Variants in NOL10 observed in about 807,000 individuals in gnomAD.
NOL10 encodes the protein nucleolar protein 10.
Under a neutral mutation model 103.5 loss-of-function variants are expected in NOL10, and 58 were observed. That is an observed-to-expected ratio of 0.56 (90% CI 0.45 to 0.70). The LOEUF (loss-of-function observed/expected upper bound fraction) is 0.70, where lower values mean the gene tolerates loss of function less well. Ranked by LOEUF, NOL10 falls within the 30% of genes least tolerant of loss-of-function variation. The pLI is 0.00. For missense variants in NOL10, 763 were observed against 807.3 expected, an observed-to-expected ratio of 0.95 and a Z score of 0.67; for synonymous variants, 287 against 282.5, an observed-to-expected ratio of 1.02 and a Z score of -0.16.
At chr2:10,587,463 G>T (rs1675173021) in intron 19 of NOL10, among the ~76,000 whole-genome samples, 1 of 150,276 alleles carries the variant, frequency 6.7e-6, no homozygotes, top group South Asian at 2.1e-4. Context: ...TAGAGACGGG[G>T]TTTCACCATG....
chr2:10,648,916 T>C (rs976048946), intron 12 of NOL10, among the ~76,000 whole-genome samples: 1 of 151,916 alleles, frequency 6.6e-6, no homozygotes. Context: ...CAGCGAAATG[T>C]AACACACAAC....
chr2:10,665,011 TAAAC>T (rs1680484722), intron 8 of NOL10, among the ~76,000 whole-genome samples: 1 of 152,324 alleles, frequency 6.6e-6, no homozygotes, highest in South Asian at 2.1e-4. Context: ...AACAAAAACA[TAAAC>T]AAAGATGTTT....
intron 14 of NOL10, 96 bp from the exon 15 acceptor site, chr2:10,603,253 T>A (rs556032398): frequency 3.5e-6 from 3 of 848,538 alleles, no homozygotes; most frequent in Middle Eastern, 2.2e-4. Flanking sequence ...TAGTAAGATT[T>A]CACTTCAGAC....
At chr2:10,680,827 C>T (rs1453820082) in intron 3 of NOL10, among the ~76,000 whole-genome samples, 2 of 152,146 alleles carry the variant, frequency 1.3e-5, no homozygotes, top group Non-Finnish European at 2.9e-5. Context: ...AAAATCACAA[C>T]CACTAAAGGT....
chr2:10,614,756 C>T (rs1676748262), intron 13 of NOL10, among the ~76,000 whole-genome samples: 1 of 152,150 alleles, frequency 6.6e-6, no homozygotes. Context: ...TGTATATACA[C>T]ACTATACATA....
intron 12 of NOL10, among the ~76,000 whole-genome samples, chr2:10,652,666 C>G (rs186458611): frequency 1.6e-4 from 25 of 152,274 alleles, no homozygotes; most frequent in Admixed American, 1.1e-3. Flanking sequence ...GGCTCCTCCC[C>G]CTCATTCTCC....
intron 12 of NOL10, among the ~76,000 whole-genome samples, chr2:10,649,311 A>ATTTTTT (rs56031158): frequency 0.032 from 3,116 of 98,872 alleles, 274 homozygotes; most frequent in Admixed American, 0.06. Flanking sequence ...GTATGTTTGA[A>ATTTTTT]TTTTTTTTTT....
At chr2:10,686,473 A>G (rs1682214366) in intron 1 of NOL10, among the ~76,000 whole-genome samples, 1 of 152,312 alleles carries the variant, frequency 6.6e-6, no homozygotes, top group Admixed American at 6.5e-5. Flanking sequence ...AAGTCACTCA[A>G]AGGACTCTGC....
At chr2:10,681,578 A>C (rs1681760216) in intron 3 of NOL10, among the ~76,000 whole-genome samples, 1 of 152,220 alleles carries the variant, frequency 6.6e-6, no homozygotes, top group Non-Finnish European at 1.5e-5. Flanking sequence ...GGATCTGTGC[A>C]TTTCACCAAT....
intron 2 of NOL10, among the ~76,000 whole-genome samples, chr2:10,682,399 C>CTT (rs761615937): frequency 4.9e-4 from 68 of 138,502 alleles, no homozygotes; most frequent in African/African-American, 1.4e-3. Flanking sequence ...CATTAAACCA[C>CTT]TTTTTTTTTT....
At chr2:10,613,625 GA>G (rs745315898) in intron 13 of NOL10, among the ~76,000 whole-genome samples, 5 of 152,150 alleles carry the variant, frequency 3.3e-5, no homozygotes, top group Non-Finnish European at 7.3e-5. Context: ...TTAGTTAAAA[GA>G]ATTGTCATTT....
rs1361948973 is a variant in NOL10, at chr2:10,622,845, T to C, written c.1027-15534A>G. Among the ~76,000 whole-genome samples, 4 of 152,296 alleles carry C rather than the reference T, an allele frequency of 2.6e-5. No individual in the cohort carries two copies. The East Asian group carries it at 7.7e-4, about 29-fold the overall frequency. On this transcript the variant is annotated intron_variant, in intron 13 of 20. Transcript: ENST00000381685. ...CCCAGGAAGCAGTTTAACTCATATA[T>C]ATGAAGAGTCAGAATTAAGACAATT...
intron 13 of NOL10, among the ~76,000 whole-genome samples, chr2:10,634,900 T>C (rs186466771): frequency 3.3e-5 from 5 of 152,322 alleles, no homozygotes; most frequent in Admixed American, 2.0e-4. Flanking sequence ...AGTAAAATGA[T>C]GTGCATATGA....
At position 10,571,948 on chromosome 2, in the gene NOL10, G is replaced by A. The variant is rs1674199449; in HGVS notation, c.*123C>T. ...CACAGGTTTTCAAATCTTTACCTCT[G>A]TGTACAAGAACGTACATGAACTTTA... On this transcript the variant is annotated 3_prime_UTR_variant, in exon 21 of 21. Coordinates refer to ENST00000381685, the MANE Select transcript of NOL10 (RefSeq NM_024894.4). 4.2e-6 allele frequency: 5 copies of A among 1,184,984 alleles called. No individual in the cohort carries two copies. In the South Asian group the frequency reaches 6.0e-5, roughly 14 times the overall value. 73.4% of individuals were successfully genotyped at this position (1,184,984 alleles called of 1,614,324 possible). A position where few individuals can be genotyped will look rare whatever the true frequency, so the allele number is the denominator to read the frequency against.
chr2:10,610,086 T>C (rs1040257651), intron 13 of NOL10, among the ~76,000 whole-genome samples: 1 of 152,190 alleles, frequency 6.6e-6, no homozygotes, highest in Non-Finnish European at 1.5e-5. Flanking sequence ...TACCTCACCA[T>C]AAAGCTACTG....
intron 2 of NOL10, among the ~76,000 whole-genome samples, chr2:10,684,146 G>A (rs887864806): frequency 6.6e-6 from 1 of 152,010 alleles, no homozygotes; most frequent in Non-Finnish European, 1.5e-5. Context: ...GCCGGGCGTG[G>A]TGGCTTGTAA....
At chr2:10,659,413 G>C (rs151090643) in intron 9 of NOL10, among the ~76,000 whole-genome samples, 163 bp from the exon 10 acceptor site, 2 of 148,888 alleles carry the variant, frequency 1.3e-5, no homozygotes, top group Non-Finnish European at 1.5e-5. Context: ...AAGATGACTC[G>C]CACCTGTAAT....
At chr2:10,629,752 C>T (rs1031299326) in intron 13 of NOL10, among the ~76,000 whole-genome samples, 1 of 152,234 alleles carries the variant, frequency 6.6e-6, no homozygotes, top group Non-Finnish European at 1.5e-5. Flanking sequence ...AATCCCAAAT[C>T]ATGTCTTAAC....
intron 13 of NOL10, among the ~76,000 whole-genome samples, chr2:10,608,322 T>C (rs1369675618): frequency 1.3e-5 from 2 of 152,230 alleles, no homozygotes; most frequent in African/African-American, 4.8e-5. Flanking sequence ...ATATGAATCA[T>C]TAAGTTTGTA....
Sources: allele counts gnomAD v4.1 joint callset (sites outside exome capture counted in the v4.1 genomes callset), GRCh38; gene constraint gnomAD v4.1.1; transcripts MANE v1.5; gene names NCBI Gene and HGNC (gene_info 2026-07-23, HGNC 2026-07-21).